Variants in EPHB2 observed in about 807,000 individuals in gnomAD.
The protein encoded by EPHB2 is ephrin type-B receptor 2.
Under a neutral mutation model 96.4 loss-of-function variants are expected in EPHB2, and 18 were observed. The ratio of observed to expected loss-of-function variants is 0.19; its 90% confidence interval spans 0.13 to 0.28. EPHB2 has a LOEUF of 0.28. Ranked by LOEUF, EPHB2 falls within the 10% of genes least tolerant of loss-of-function variation. The pLI, the probability that EPHB2 is intolerant of heterozygous loss-of-function variation, is 1.00. For missense variants in EPHB2, 989 were observed against 1,355.4 expected, an observed-to-expected ratio of 0.73 and a Z score of 4.25; for synonymous variants, 506 against 534.1, an observed-to-expected ratio of 0.95 and a Z score of 0.72.
chr1:22,908,192 G>C (rs372324234), intron 12 of EPHB2, 24 bp downstream of exon 12: 2 of 1,613,468 alleles, frequency 1.2e-6, no homozygotes, highest in South Asian at 1.1e-5. Context: ...AGGGAACACC[G>C]GAGTCACAGA....
rs1331120499 is a variant in EPHB2, at chr1:22,733,001, G to A, written c.61+21958G>A. Among the ~76,000 whole-genome samples the A allele has an allele frequency of 6.6e-6, 1 of 152,146 alleles. No individual in the cohort carries two copies. Among genetic ancestry groups the A allele is most frequent in the Non-Finnish European group, 1.5e-5 (1 of 68,024 alleles). On this transcript the variant is annotated intron_variant, in intron 1 of 15. Transcript: ENST00000374630. The surrounding 1 kb of genome is among the most constrained non-coding windows in gnomAD (Gnocchi z 4.6). ...GATTTTTTCCTGAGTTTTAATCCAG[G>A]ACTGTCCAGACTCTCTGTATGTTCC...
intron 14 of EPHB2, among the ~76,000 whole-genome samples, chr1:22,911,178 A>ATAAATAAT (rs1318121632): frequency 2.6e-5 from 4 of 151,082 alleles, no homozygotes; most frequent in Non-Finnish European, 5.9e-5. Context: ...AAATAAATAA[A>ATAAATAAT]TAATTACCAA....
chr1:22,775,235 A>C (rs1570253879), intron 1 of EPHB2: 1 of 779,806 alleles, frequency 1.3e-6, no homozygotes, highest in Non-Finnish European at 2.4e-6. Flanking sequence ...GCCTGTGTGC[A>C]CTTATGCAGG....
intron 1 of EPHB2, among the ~76,000 whole-genome samples, chr1:22,763,872 G>T (rs1298648591): frequency 6.6e-6 from 1 of 152,086 alleles, no homozygotes; most frequent in Non-Finnish European, 1.5e-5. Flanking sequence ...ACTTCTAGAG[G>T]CTACCTGCAT....
intron 3 of EPHB2, among the ~76,000 whole-genome samples, chr1:22,794,179 G>A (rs187938191): frequency 3.3e-5 from 5 of 152,286 alleles, no homozygotes; most frequent in East Asian, 1.9e-4. Flanking sequence ...GCAGATAACC[G>A]GCTAAGGGGC....
intron 1 of EPHB2, among the ~76,000 whole-genome samples, chr1:22,724,141 G>C (rs1643530647): frequency 6.6e-6 from 1 of 152,178 alleles, no homozygotes; most frequent in South Asian, 2.1e-4. Flanking sequence ...TAAAACACCT[G>C]TCTAGCCTTC....
chr1:22,746,646 T>C (rs1232462525), intron 1 of EPHB2, among the ~76,000 whole-genome samples: 1 of 152,236 alleles, frequency 6.6e-6, no homozygotes, highest in African/African-American at 2.4e-5. Context: ...CTGTGGACCG[T>C]GGACCATGGA....
chr1:22,818,035 G>A (rs970229098), intron 3 of EPHB2, among the ~76,000 whole-genome samples: 5 of 152,144 alleles, frequency 3.3e-5, no homozygotes, highest in African/African-American at 1.2e-4. Flanking sequence ...TGGGCTTTGG[G>A]ATTCAAGCCA....
chr1:22,858,848 G>A lies in EPHB2; in HGVS notation c.812-4189G>A, dbSNP rs540937266. On this transcript the variant is annotated intron_variant, in intron 3 of 15. Transcript: ENST00000374630. The surrounding 1 kb of genome is among the most constrained non-coding windows in gnomAD (Gnocchi z 7.7). The stretch of plus-strand genomic sequence containing the variant: ...GTTTCCTCAAATGTCAACTAAGGGG[G>A]TGGGGCTCGATCCCCTTCCAGCCCC... 6.6e-6 allele frequency among the ~76,000 whole-genome samples: 1 copy of A among 152,164 alleles called. No homozygotes were observed. The highest frequency in any genetic ancestry group is 1.5e-5 in the Non-Finnish European group (1 of 68,024).
At chr1:22,817,942 T>A (rs998233743) in intron 3 of EPHB2, among the ~76,000 whole-genome samples, 2 of 152,182 alleles carry the variant, frequency 1.3e-5, no homozygotes, top group Non-Finnish European at 2.9e-5. Context: ...GAGGTCAGCG[T>A]ATAAGCTGTG....
chr1:22,808,442 G>A (rs943190568), intron 3 of EPHB2, among the ~76,000 whole-genome samples: 3 of 152,214 alleles, frequency 2.0e-5, no homozygotes, highest in Admixed American at 6.5e-5. Context: ...CCCTTCCCGG[G>A]CACAGGGCAG....
At chr1:22,732,080 A>AAGCC (rs1439369717) in intron 1 of EPHB2, among the ~76,000 whole-genome samples, 3 of 152,178 alleles carry the variant, frequency 2.0e-5, no homozygotes, top group Admixed American at 2.0e-4. Flanking sequence ...GACCATTTAC[A>AAGCC]GGCTGTGTGA....
At position 22,911,352 on chromosome 1, in the gene EPHB2, CACAA is replaced by C. The variant is rs1306697405; in HGVS notation, c.2696+781_2696+784del. 2.6e-5 allele frequency among the ~76,000 whole-genome samples: 4 copies of C among 152,166 alleles called. 1 individual carries two copies. The highest frequency in any genetic ancestry group is 9.6e-5 in the African/African-American group (4 of 41,500). ...ATGCACAGATGAACACACAATTAGGCACAAACACTCATGCCTCTTCACACACACA... is the reference window on the plus strand; with the variant it reads ...ATGCACAGATGAACACACAATTAGGCACACTCATGCCTCTTCACACACACA... On this transcript the variant is annotated intron_variant, in intron 14 of 15. Transcript: ENST00000374630.
intron 1 of EPHB2, among the ~76,000 whole-genome samples, chr1:22,765,864 G>A (rs1482983608): frequency 2.0e-5 from 3 of 152,130 alleles, no homozygotes; most frequent in Non-Finnish European, 4.4e-5. Flanking sequence ...ACCCGCCACT[G>A]GCCAGTTCTG....
intron 3 of EPHB2, among the ~76,000 whole-genome samples, chr1:22,849,346 G>A (rs1645590242): frequency 1.3e-5 from 2 of 152,182 alleles, no homozygotes; most frequent in Admixed American, 6.5e-5. Context: ...ATCGCGAGGT[G>A]TGTGTGTCAT....
chr1:22,866,925 AT>A (rs1359943173), intron 5 of EPHB2, among the ~76,000 whole-genome samples: 1 of 152,134 alleles, frequency 6.6e-6, no homozygotes, highest in Non-Finnish European at 1.5e-5. Flanking sequence ...CAAGAGCAAA[AT>A]TCTGTCTAAG....
intron 3 of EPHB2, among the ~76,000 whole-genome samples, chr1:22,840,819 A>G (rs1205791919): frequency 6.6e-6 from 1 of 152,212 alleles, no homozygotes; most frequent in Non-Finnish European, 1.5e-5. Flanking sequence ...GTGCAGACAC[A>G]TTATCCTAGC....
intron 3 of EPHB2, among the ~76,000 whole-genome samples, chr1:22,828,133 C>A (rs552547406): frequency 1.3e-5 from 2 of 152,320 alleles, no homozygotes; most frequent in African/African-American, 4.8e-5. Context: ...GCTATAGCCA[C>A]CCCCACTCAG....
intron 13 of EPHB2, among the ~76,000 whole-genome samples, chr1:22,909,521 A>T (rs1640024832): frequency 6.6e-6 from 1 of 152,210 alleles, no homozygotes; most frequent in Non-Finnish European, 1.5e-5. Context: ...AGATGTTATG[A>T]TCAGGAGCTT....
Sources: gnomAD v4.1 joint callset for allele counts (sites outside exome capture counted in the v4.1 genomes callset) on GRCh38, gnomAD v4.1.1 for gene constraint, Gnocchi (gnomAD v3.1) non-coding constraint, MANE v1.5 for transcripts, NCBI Gene and HGNC (gene_info 2026-07-23, HGNC 2026-07-21) for gene names.